Variants in DOCK1 observed in about 807,000 individuals in gnomAD.
The protein encoded by DOCK1 is dedicator of cytokinesis protein 1.
DOCK1 carries 138 observed loss-of-function variants against 262.7 expected under a neutral mutation model. The ratio of observed to expected loss-of-function variants is 0.53; its 90% CI spans 0.46 to 0.61. The LOEUF is 0.61. DOCK1 is among the 20% of genes least tolerant of loss of function. DOCK1 has a pLI of 0.00. For missense variants in DOCK1, 1,908 were observed against 2,370.7 expected, an observed-to-expected ratio of 0.80 and a Z score of 4.05; for synonymous variants, 866 against 867.4, an observed-to-expected ratio of 1.00 and a Z score of 0.03.
At position 127,041,694 on chromosome 10, in the gene DOCK1, C is replaced by T. The variant is rs554432333; in HGVS notation, c.2011-931C>T. On this transcript the variant is annotated intron_variant, in intron 19 of 51. Coordinates refer to ENST00000623213, the MANE Select transcript of DOCK1 (RefSeq NM_001290223.2). The stretch of plus-strand genomic sequence containing the variant: ...TTCTACCAGCAGTGTGCAAGGTCTC[C>T]AATTTCTCTGCGTTCTTGCCCACTT... 3.9e-5 allele frequency among the ~76,000 whole-genome samples: 6 copies of T among 152,306 alleles called. No homozygotes were observed. The South Asian group carries it at 1.0e-3, about 26-fold the overall frequency.
intron 18 of DOCK1, among the ~76,000 whole-genome samples, chr10:127,032,803 C>T (rs7098511): frequency 0.074 from 11,295 of 152,232 alleles, 511 homozygotes; most frequent in East Asian, 0.13. Flanking sequence ...GCAAACCTCC[C>T]GCCTCGGTCT....
chr10:127,243,899 A>G (rs1049271264), intron 27 of DOCK1, among the ~76,000 whole-genome samples: 4 of 152,158 alleles, frequency 2.6e-5, no homozygotes, highest in African/African-American at 9.7e-5. Context: ...CCCTCCACTC[A>G]TGACTATCTG....
chr10:127,393,565 G>A (rs1207466570), intron 38 of DOCK1, among the ~76,000 whole-genome samples: 2 of 152,062 alleles, frequency 1.3e-5, no homozygotes, highest in African/African-American at 4.8e-5. Flanking sequence ...GCATCTCTCT[G>A]TGCTCCCCGG....
At chr10:127,165,656 G>T (rs1429529798) in intron 27 of DOCK1, among the ~76,000 whole-genome samples, 3 of 152,154 alleles carry the variant, frequency 2.0e-5, no homozygotes, top group African/African-American at 4.8e-5. Context: ...TATGAGGAAG[G>T]AAGAGCCAGA....
intron 27 of DOCK1, among the ~76,000 whole-genome samples, chr10:127,134,892 C>T (rs1254087072): frequency 2.0e-5 from 3 of 152,084 alleles, no homozygotes; most frequent in South Asian, 2.1e-4. Context: ...CACCAGCCCA[C>T]GTGTGCAGAT....
rs181697620 is a variant in DOCK1, at chr10:127,229,448, G to A, written c.2848-18560G>A. ...TTCTACTTTCTGCTTCTATGAGTTCGACTTGTAGAGTCCACTTAGAAGTGA... is the reference window on the plus strand; with the variant it reads ...TTCTACTTTCTGCTTCTATGAGTTCAACTTGTAGAGTCCACTTAGAAGTGA... On this transcript the variant is annotated intron_variant, in intron 27 of 51. Transcript: ENST00000623213. Among the ~76,000 whole-genome samples the A allele has an allele frequency of 1.2e-4, 18 of 152,174 alleles. No individual in the cohort carries two copies. The South Asian group carries it at 2.7e-3, about 23-fold the overall frequency.
chr10:127,433,063 G>T (rs200271492), intron 47 of DOCK1, among the ~76,000 whole-genome samples: 1 of 152,168 alleles, frequency 6.6e-6, no homozygotes, highest in Non-Finnish European at 1.5e-5. Flanking sequence ...GGCTAAGAAG[G>T]TTCCTTCTGA....
chr10:127,176,123 G>T lies in DOCK1; in HGVS notation c.2847+48359G>T. 1 of 1,614,082 alleles carries T rather than the reference G, an allele frequency of 6.2e-7. No homozygotes were observed. ...TGACGTTGGGGATGGACCTGCGTGC[G>T]GGCACTGTCATGTATTTGCGGTAGG... On this transcript the variant is annotated intron_variant, in intron 27 of 51. Coordinates refer to ENST00000623213, the MANE Select transcript of DOCK1 (RefSeq NM_001290223.2). This position sits in a 1 kb window ranked among gnomAD's most constrained non-coding sequence, Gnocchi z 4.4.
intron 22 of DOCK1, among the ~76,000 whole-genome samples, chr10:127,053,520 C>G (rs941447115): frequency 6.6e-6 from 1 of 152,126 alleles, no homozygotes; most frequent in Non-Finnish European, 1.5e-5. Context: ...GTGCTTTAGC[C>G]TAGTGACAGT....
At chr10:127,397,414 G>C (rs1452696485) in intron 38 of DOCK1, among the ~76,000 whole-genome samples, 1 of 149,326 alleles carries the variant, frequency 6.7e-6, no homozygotes, top group African/African-American at 2.5e-5. Context: ...AGTTACATGG[G>C]CAGCGACTCC....
intron 27 of DOCK1, among the ~76,000 whole-genome samples, chr10:127,224,398 AT>A (rs2058557277): frequency 6.6e-6 from 1 of 151,912 alleles, no homozygotes; most frequent in African/African-American, 2.4e-5. Flanking sequence ...CCTGTCTCTA[AT>A]AAAAATACAA....
intron 27 of DOCK1, among the ~76,000 whole-genome samples, chr10:127,238,034 G>A (rs2059133511): frequency 6.6e-6 from 1 of 152,112 alleles, no homozygotes; most frequent in Non-Finnish European, 1.5e-5. Flanking sequence ...CCAAAAAGTT[G>A]GTCACAGACA....
chr10:127,431,139 C>G (rs567674485), intron 47 of DOCK1, among the ~76,000 whole-genome samples: 2 of 152,228 alleles, frequency 1.3e-5, no homozygotes, highest in Non-Finnish European at 2.9e-5. Context: ...GCCAGGGCCA[C>G]AATTCCAGCC....
At chr10:127,355,455 C>T (rs1447103437) in intron 32 of DOCK1, among the ~76,000 whole-genome samples, 2 of 152,162 alleles carry the variant, frequency 1.3e-5, no homozygotes, top group African/African-American at 4.8e-5. Flanking sequence ...GCCGTCAGCC[C>T]TCGGGCTTGC....
chr10:127,139,931 A>G lies in DOCK1; in HGVS notation c.2847+12167A>G, dbSNP rs999675333. On this transcript the variant is annotated intron_variant, in intron 27 of 51. Coordinates refer to ENST00000623213, the MANE Select transcript of DOCK1 (RefSeq NM_001290223.2). ...TGGAAACAAGAGCTAAGTAATAAAG[A>G]TATCTATTAGGGATCTCTTCAACTT... Among the ~76,000 whole-genome samples the G allele has an allele frequency of 2.0e-5, 3 of 152,190 alleles. No homozygotes were observed. In the South Asian group the frequency reaches 6.2e-4, roughly 32 times the overall value.
intron 33 of DOCK1, 96 bp downstream of exon 33, chr10:127,362,308 G>A (rs2064504533): frequency 1.5e-6 from 2 of 1,337,116 alleles, no homozygotes; most frequent in South Asian, 2.1e-5. Context: ...AGAGTTAAAG[G>A]TGCCAACGTG....
chr10:127,117,161 T>G (rs957655745), intron 25 of DOCK1, among the ~76,000 whole-genome samples: 22 of 152,228 alleles, frequency 1.4e-4, no homozygotes, highest in Non-Finnish European at 1.5e-5. Flanking sequence ...TCCATCATAA[T>G]TCATTGAATA....
chr10:127,094,324 T>A lies in DOCK1; in HGVS notation c.2446-11907T>A, dbSNP rs568818858. Reference sequence around the variant, plus strand: ...TATTACACAGGTTAGGTCTTGAAATTTTTTTGGCAGGGTCACAATTCCATG... The same window carrying A: ...TATTACACAGGTTAGGTCTTGAAATATTTTTGGCAGGGTCACAATTCCATG... On this transcript the variant is annotated intron_variant, in intron 23 of 51. Coordinates refer to ENST00000623213, the MANE Select transcript of DOCK1 (RefSeq NM_001290223.2). Among the ~76,000 whole-genome samples the A allele has an allele frequency of 2.6e-5, 4 of 152,310 alleles. No individual in the cohort carries two copies. The South Asian group carries it at 8.3e-4, about 32-fold the overall frequency.
chr10:127,337,899 C>CTGCA, intron 29 of DOCK1, among the ~76,000 whole-genome samples: 2 of 152,112 alleles, frequency 1.3e-5, no homozygotes, highest in Non-Finnish European at 2.9e-5. Flanking sequence ...GGGTGATGGG[C>CTGCA]GGGAGGTGGT....
Sources: allele counts gnomAD v4.1 joint callset (sites outside exome capture counted in the v4.1 genomes callset), GRCh38; gene constraint gnomAD v4.1.1; non-coding constraint Gnocchi (gnomAD v3.1); transcripts MANE v1.5; gene names NCBI Gene and HGNC (gene_info 2026-07-23, HGNC 2026-07-21).